The following PCDH11Y variants were observed in gnomAD, a reference collection of about 807,000 sequenced individuals.
The protein encoded by PCDH11Y is protocadherin-11 Y-linked.
For missense variants in PCDH11Y, 12 were observed against 224.8 expected (o/e 0.05, Z 6.05); for synonymous variants, 9 against 83.6 (o/e 0.11, Z 4.87).
intron 4 of PCDH11Y, among the ~76,000 whole-genome samples, chrY:5,670,179 T>C: frequency 6.1e-5 from 2 of 32,650 alleles, no homozygotes; most frequent in Admixed American, 5.7e-4. Context: ...CCATTGTATA[T>C]ATGTACCACA....
intron 3 of PCDH11Y, among the ~76,000 whole-genome samples, chrY:5,565,922 A>ATG (rs775358898): frequency 1.2e-3 from 27 of 22,789 alleles, no homozygotes; most frequent in East Asian, 2.4e-3. Context: ...TATAATATAG[A>ATG]TGTGTGTGTG....
intron 2 of PCDH11Y, among the ~76,000 whole-genome samples, chrY:5,312,202 T>C: frequency 3.0e-5 from 1 of 32,929 alleles, no homozygotes; most frequent in African/African-American, 1.2e-4. Context: ...TGGGACTTGG[T>C]GACCATTGTC....
At chrY:5,238,530 A>G in intron 2 of PCDH11Y, among the ~76,000 whole-genome samples, 1 of 33,474 alleles carries the variant, frequency 3.0e-5, no homozygotes. Flanking sequence ...CTTCATGTCT[A>G]AAACACCAAA....
At chrY:5,653,265 C>T (rs2053532984) in intron 4 of PCDH11Y, among the ~76,000 whole-genome samples, 17 of 30,510 alleles carry the variant, frequency 5.6e-4, no homozygotes, top group Non-Finnish European at 2.3e-4. Flanking sequence ...ATGACTTTGA[C>T]GAGTTGACAG....
rs2124688158 is a variant in PCDH11Y at position 5,501,454 on chromosome Y, C to T, written c.3328+199C>T. Among the ~76,000 whole-genome samples, 5 of 33,207 alleles carry T rather than the reference C, an allele frequency of 1.5e-4. No individual in the cohort carries two copies. In the East Asian group the frequency reaches 3.1e-3, roughly 21 times the overall value. 89.1% of individuals were successfully genotyped at this position (33,207 alleles called of 37,273 possible). ...TATTTTAAATGTATGATCATAACTACGCTGAATGAAATTTATTATAGTGAC... is the reference window on the plus strand; with the variant it reads ...TATTTTAAATGTATGATCATAACTATGCTGAATGAAATTTATTATAGTGAC... On this transcript the variant is annotated intron_variant, in intron 3 of 4. Coordinates refer to the PCDH11Y transcript ENST00000400457.
At chrY:5,562,920 A>G (rs2053430732) in intron 3 of PCDH11Y, among the ~76,000 whole-genome samples, 1 of 33,041 alleles carries the variant, frequency 3.0e-5, no homozygotes, top group African/African-American at 1.2e-4. Context: ...ATTTCTGATC[A>G]ACCTATTAAT....
chrY:5,688,241 T>C, intron 4 of PCDH11Y, among the ~76,000 whole-genome samples: 3 of 33,417 alleles, frequency 9.0e-5, no homozygotes, highest in Admixed American at 8.3e-4. Context: ...TATTGTTATT[T>C]AAATTTAAAG....
chrY:5,735,867 C>A (rs2053608938), intron 4 of PCDH11Y, among the ~76,000 whole-genome samples: 1 of 32,696 alleles, frequency 3.1e-5, no homozygotes, highest in Non-Finnish European at 7.5e-5. Context: ...ATATTCCAAG[C>A]TAAGAACATG....
chrY:5,493,452 A>C (rs1459616879), intron 2 of PCDH11Y, among the ~76,000 whole-genome samples: 6 of 32,499 alleles, frequency 1.8e-4, no homozygotes, highest in Non-Finnish European at 3.8e-4. Flanking sequence ...CTATTGACTA[A>C]TATTCTTAAA....
intron 1 of PCDH11Y, among the ~76,000 whole-genome samples, chrY:5,059,642 T>A: frequency 8.9e-5 from 3 of 33,663 alleles, no homozygotes; most frequent in Non-Finnish European, 2.2e-4. Context: ...CTGGCATAAT[T>A]TTAGCTTTGT....
intron 2 of PCDH11Y, among the ~76,000 whole-genome samples, chrY:5,237,677 C>T (rs1602890811): frequency 6.1e-5 from 2 of 32,748 alleles, no homozygotes; most frequent in Admixed American, 2.8e-4. Context: ...AATACCCCAT[C>T]GTCTCAGCCC....
intron 4 of PCDH11Y, among the ~76,000 whole-genome samples, chrY:5,624,689 A>G: frequency 6.3e-5 from 2 of 31,880 alleles, no homozygotes; most frequent in African/African-American, 2.5e-4. Context: ...TCAGATGGCT[A>G]TAAGTGTGTG....
intron 2 of PCDH11Y, among the ~76,000 whole-genome samples, chrY:5,178,059 A>C: frequency 3.0e-5 from 1 of 33,170 alleles, no homozygotes; most frequent in African/African-American, 1.2e-4. Context: ...GACCTTGAAG[A>C]GGTATCAGAG....
chrY:5,689,959 T>C (rs2124710664), intron 4 of PCDH11Y, among the ~76,000 whole-genome samples: 1 of 24,382 alleles, frequency 4.1e-5, no homozygotes, highest in East Asian at 1.0e-3. Context: ...TGTCATAATC[T>C]AAATCTATCT....
At chrY:5,117,981 ATATGT>A (rs2052813454) in intron 2 of PCDH11Y, among the ~76,000 whole-genome samples, 3 of 31,620 alleles carry the variant, frequency 9.5e-5, no homozygotes, top group Non-Finnish European at 1.5e-4. Context: ...ATACATATAC[ATATGT>A]TATGTATTAT....
intron 2 of PCDH11Y, among the ~76,000 whole-genome samples, chrY:5,334,878 T>G: frequency 6.7e-5 from 2 of 29,722 alleles, no homozygotes; most frequent in African/African-American, 2.6e-4. Flanking sequence ...GTTTTGAATT[T>G]CAGTAGACAC....
chrY:5,232,234 G>A, intron 2 of PCDH11Y, among the ~76,000 whole-genome samples: 1 of 32,819 alleles, frequency 3.0e-5, no homozygotes, highest in African/African-American at 1.2e-4. Context: ...TTACTTTTCT[G>A]TCTGCTTTTC....
intron 4 of PCDH11Y, among the ~76,000 whole-genome samples, chrY:5,645,326 G>A: frequency 3.1e-5 from 1 of 32,782 alleles, no homozygotes; most frequent in African/African-American, 1.2e-4. Flanking sequence ...GTATGTCCTC[G>A]TAGGCTGACT....
intron 3 of PCDH11Y, among the ~76,000 whole-genome samples, chrY:5,557,215 T>C: frequency 3.0e-5 from 1 of 33,637 alleles, no homozygotes; most frequent in Non-Finnish European, 7.4e-5. Flanking sequence ...ATGATGTTGG[T>C]ATTTTGATAG....
Sources: allele counts gnomAD v4.1 joint callset (sites outside exome capture counted in the v4.1 genomes callset), GRCh38; gene constraint gnomAD v4.1.1; transcripts MANE v1.5; gene names NCBI Gene and HGNC (gene_info 2026-07-23, HGNC 2026-07-21).